OTC: variants seen among roughly 807,000 people sequenced by gnomAD.
The protein encoded by OTC is ornithine transcarbamylase, also known as ornithine transcarbamylase, mitochondrial.
In OTC, 3 loss-of-function variants were observed where a neutral mutation model predicts 30.3. The ratio of observed to expected loss-of-function variants is 0.10; its 90% confidence interval spans 0.05 to 0.26. The LOEUF is 0.26. OTC is among the 10% of genes least tolerant of loss of function. The pLI is 1.00. For missense variants in OTC, 194 were observed against 260.3 expected, an observed-to-expected ratio of 0.75 and a Z score of 1.75; for synonymous variants, 111 against 99.7, an observed-to-expected ratio of 1.11 and a Z score of -0.67.
At chrX:38,405,745 C>T (rs138137989) in intron 6 of OTC, among the ~76,000 whole-genome samples, 16 of 111,631 alleles carry the variant, frequency 1.4e-4, no homozygotes, top group African/African-American at 5.2e-4. Flanking sequence ...TTTTATTCAG[C>T]GTGAACTGAA....
the OTC span, among the ~76,000 whole-genome samples, chrX:38,340,459 G>GTTTTTTTTTTTTTTTTTTTTTTTTT: frequency 1.7e-5 from 1 of 60,510 alleles, no homozygotes; most frequent in Non-Finnish European, 3.0e-5. Flanking sequence ...TTGTTTTTTT[G>GTTTTTTTTTTTTTTTTTTTTTTTTT]TTTTTTTTTT....
chrX:38,332,528 A>ATATATATATATATATATATATC, the OTC span, among the ~76,000 whole-genome samples: 2 of 90,585 alleles, frequency 2.2e-5, no homozygotes, highest in Non-Finnish European at 4.3e-5. Context: ...ATATATATAT[A>ATATATATATATATATATATATC]TATATCATAT....
the OTC span, among the ~76,000 whole-genome samples, chrX:38,331,442 G>T: frequency 0.034 from 1,293 of 37,546 alleles, 23 homozygotes; most frequent in East Asian, 0.11. Context: ...TTTTTTTTTT[G>T]TTTTTTTTTT....
chrX:38,338,537 C>A, the OTC span, among the ~76,000 whole-genome samples: 1 of 112,275 alleles, frequency 8.9e-6, no homozygotes. Flanking sequence ...TTTAAGTTGA[C>A]CAAATTGTTT....
chrX:38,342,734 C>G, the OTC span, among the ~76,000 whole-genome samples: 2 of 111,761 alleles, frequency 1.8e-5, no homozygotes, highest in African/African-American at 6.5e-5. Context: ...ATATGTAGCA[C>G]CTATGACCTA....
rs190201047 is a variant in OTC, at chrX:38,418,714, C to T, written c.1006-2309C>T. On this transcript the variant is annotated intron_variant, in intron 9 of 9. Transcript: ENST00000039007. ...TTCTTATGGTACTGAATAAGTCTCA[C>T]GAGATCTGATGGTTTTATAAGGGAA... Among the ~76,000 whole-genome samples the T allele has an allele frequency of 2.5e-4, 28 of 111,723 alleles. 1 individual carries two copies. Among genetic ancestry groups the T allele is most frequent in the Admixed American group, 1.3e-3 (14 of 10,551 alleles).
At chrX:38,374,990 G>A (rs2068339181) in intron 3 of OTC, among the ~76,000 whole-genome samples, 1 of 112,088 alleles carries the variant, frequency 8.9e-6, no homozygotes, top group Non-Finnish European at 1.9e-5. Context: ...CAAAATGAGA[G>A]GCTGTTCACA....
chrX:38,347,172 G>A, the OTC span, among the ~76,000 whole-genome samples: 1 of 111,886 alleles, frequency 8.9e-6, no homozygotes, highest in African/African-American at 3.3e-5. Context: ...TTGTGTATTA[G>A]TTAGCATGCA....
intron 8 of OTC, among the ~76,000 whole-genome samples, chrX:38,410,616 A>G (rs1279151924): frequency 1.8e-5 from 2 of 110,707 alleles, no homozygotes; most frequent in Non-Finnish European, 3.8e-5. Context: ...TGCCTTTTCT[A>G]TTATTGGTTA....
chrX:38,395,580 A>G (rs146910727), intron 4 of OTC: 1,891 of 144,121 alleles, frequency 0.013, 23 homozygotes, highest in African/African-American at 0.052. Context: ...TGGTGCACAG[A>G]CCCACAGTTC....
At chrX:38,396,212 T>TCAGC (rs1197409034) in intron 4 of OTC, among the ~76,000 whole-genome samples, 1 of 109,082 alleles carries the variant, frequency 9.2e-6, no homozygotes, top group Non-Finnish European at 1.9e-5. Context: ...TCCGCCTGCC[T>TCAGC]CAGCTTCCCA....
intron 1 of OTC, among the ~76,000 whole-genome samples, chrX:38,366,830 A>G (rs4827095): frequency 0.26 from 28,546 of 111,032 alleles, 3,140 homozygotes; most frequent in African/African-American, 0.38. Flanking sequence ...AACCAAGGCC[A>G]TATCAAATTT....
At chrX:38,402,134 C>T (rs2068492402) in intron 5 of OTC, among the ~76,000 whole-genome samples, 1 of 112,053 alleles carries the variant, frequency 8.9e-6, no homozygotes, top group Admixed American at 9.5e-5. Flanking sequence ...GAATAAACTA[C>T]ACACATTTAA....
In OTC at chrX:38,367,313, A is replaced by G; in HGVS notation, c.100A>G (p.Lys34Glu). 2 of 1,207,155 alleles carry G rather than the reference A, an allele frequency of 1.7e-6. No individual in the cohort carries two copies. Residue 34 changes from lysine (K) to glutamate (E), a missense_variant, in exon 2 of 10, where the codon AAA becomes GAA. Coordinates refer to ENST00000039007, the MANE Select transcript of OTC (RefSeq NM_000531.6). ...CAGGTGTGGACAACCACTACAAAAT[A>G]AAGTGCAGCTGAAGGGCCGTGACCT... ...NFRCGQPLQN[K>E]VQLKGRDLLT...
chrX:38,376,917 T>C (rs911041511), intron 3 of OTC, among the ~76,000 whole-genome samples: 3 of 112,245 alleles, frequency 2.7e-5, no homozygotes, highest in African/African-American at 6.5e-5. Flanking sequence ...ACCTTCAGCA[T>C]TGGACAAATA....
At chrX:38,393,874 GTCCATT>G (rs1480471039) in intron 4 of OTC, among the ~76,000 whole-genome samples, 1 of 111,752 alleles carries the variant, frequency 8.9e-6, no homozygotes, top group African/African-American at 3.2e-5. Context: ...CCAATTCCTT[GTCCATT>G]CCAGCTTTCA....
At position 38,403,606 on chromosome X, in the gene OTC, C is replaced by T. The variant is rs2068500853; in HGVS notation, c.541-12C>T. The T allele has an allele frequency of 2.5e-6, 3 of 1,208,773 alleles. No homozygotes were observed. The highest frequency in any genetic ancestry group is 3.4e-6 in the Non-Finnish European group (3 of 892,783). ...CGCCTGGATTTCATCTCCTTCATCC[C>T]GTGCCTTTTAGGAACACTATAGCTC... On this transcript the variant is annotated splice_polypyrimidine_tract_variant and intron_variant, in intron 5 of 9. Transcript: ENST00000039007.
At chrX:38,393,641 G>A (rs767807149) in intron 4 of OTC, among the ~76,000 whole-genome samples, 2 of 112,201 alleles carry the variant, frequency 1.8e-5, no homozygotes, top group African/African-American at 6.5e-5. Flanking sequence ...TAAATTCAAG[G>A]TGACTTAAAC....
At chrX:38,348,499 T>C (rs1335226306), upstream of OTC, among the ~76,000 whole-genome samples, 2 of 110,280 alleles carry the variant, frequency 1.8e-5, no homozygotes, top group Non-Finnish European at 3.8e-5. Context: ...GACAGTGGTA[T>C]ACTGGAGCCA....
Sources: gnomAD v4.1 joint callset for allele counts (sites outside exome capture counted in the v4.1 genomes callset) on GRCh38, gnomAD v4.1.1 for gene constraint, MANE v1.5 for transcripts, NCBI Gene and HGNC (gene_info 2026-07-23, HGNC 2026-07-21) for gene names.